ZFPM2: variants seen among roughly 807,000 people sequenced by gnomAD.
ZFPM2 encodes zinc finger protein ZFPM2.
ZFPM2 carries 20 observed loss-of-function variants against 98.6 expected under a neutral mutation model. The observed-to-expected ratio is 0.20, with a 90% CI of 0.14 to 0.29. ZFPM2 has a LOEUF of 0.29. Among genes scored for constraint, ZFPM2 ranks in the 10% least tolerant of loss-of-function variants. The pLI, the probability that ZFPM2 is intolerant of heterozygous loss-of-function variation, is 1.00. For synonymous variants in ZFPM2, 518 were observed against 502.7 expected, an observed-to-expected ratio of 1.03 and a Z score of -0.41; for missense variants, 1,310 against 1,388.6, an observed-to-expected ratio of 0.94 and a Z score of 0.90.
intron 3 of ZFPM2, among the ~76,000 whole-genome samples, chr8:105,454,830 C>G (rs1375551069): frequency 6.6e-6 from 1 of 152,182 alleles, no homozygotes; most frequent in Non-Finnish European, 1.5e-5. Context: ...TTGGTGCCTT[C>G]ACCCTCCAAA....
rs149695292 is a variant in ZFPM2, at chr8:105,398,097, G to A, written c.41-21047G>A. On this transcript the variant is annotated intron_variant, in intron 1 of 7. Transcript: ENST00000407775. ...AAAAGAGAAACTCAGCAAAAGTATAGGATGTAAAGTCTACGCAAAGGAGCT... is the reference window on the plus strand; with the variant it reads ...AAAAGAGAAACTCAGCAAAAGTATAAGATGTAAAGTCTACGCAAAGGAGCT... 5.3e-3 allele frequency among the ~76,000 whole-genome samples: 810 copies of A among 152,200 alleles called. 3 individuals are homozygous for A. The highest frequency in any genetic ancestry group is 0.019 in the African/African-American group (778 of 41,552).
chr8:105,458,628 A>C (rs372103655), intron 3 of ZFPM2, among the ~76,000 whole-genome samples: 8 of 152,234 alleles, frequency 5.3e-5, no homozygotes, highest in African/African-American at 1.9e-4. Flanking sequence ...CGAGTATCTG[A>C]AATTGACAGT....
chr8:105,637,652 G>A (rs1816872940), intron 5 of ZFPM2, among the ~76,000 whole-genome samples: 1 of 152,004 alleles, frequency 6.6e-6, no homozygotes, highest in Non-Finnish European at 1.5e-5. Context: ...CCAAAGTTGT[G>A]TCAATACCTT....
intron 5 of ZFPM2, among the ~76,000 whole-genome samples, chr8:105,636,918 G>A (rs1816857597): frequency 6.6e-6 from 1 of 152,130 alleles, no homozygotes; most frequent in African/African-American, 2.4e-5. Flanking sequence ...GCTCCTATGA[G>A]ATAATCAACA....
chr8:105,570,409 T>C (rs1400486880), intron 4 of ZFPM2, among the ~76,000 whole-genome samples: 1 of 152,074 alleles, frequency 6.6e-6, no homozygotes, highest in Non-Finnish European at 1.5e-5. Context: ...TGCTATTGAA[T>C]GTGAGTCAGA....
chr8:105,781,483 G>A (rs1586259577), intron 5 of ZFPM2, among the ~76,000 whole-genome samples: 1 of 152,152 alleles, frequency 6.6e-6, no homozygotes, highest in Non-Finnish European at 1.5e-5. Flanking sequence ...CACTTTGGGA[G>A]GCTGAAGCAG....
intron 5 of ZFPM2, among the ~76,000 whole-genome samples, chr8:105,693,391 T>G (rs959155257): frequency 4.6e-5 from 7 of 152,152 alleles, no homozygotes; most frequent in African/African-American, 1.7e-4. Context: ...GCATCCTAAG[T>G]TACATTTTGA....
intron 2 of ZFPM2, among the ~76,000 whole-genome samples, chr8:105,431,152 C>T (rs1437971772): frequency 6.6e-6 from 1 of 152,036 alleles, no homozygotes; most frequent in Non-Finnish European, 1.5e-5. Context: ...AGGTGACCCG[C>T]CCACCTTGAC....
intron 5 of ZFPM2, among the ~76,000 whole-genome samples, chr8:105,718,533 T>G (rs1161637187): frequency 6.6e-6 from 1 of 151,990 alleles, no homozygotes; most frequent in African/African-American, 2.4e-5. Flanking sequence ...AGTAAGATAA[T>G]GTCTTTGAAA....
At chr8:105,650,088 G>T (rs7824998) in intron 5 of ZFPM2, among the ~76,000 whole-genome samples, 14 of 151,822 alleles carry the variant, frequency 9.2e-5, no homozygotes, top group African/African-American at 3.4e-4. Flanking sequence ...CAACTTCTCC[G>T]AAGACTAAAG....
At chr8:105,395,649 TAAG>T (rs1811204353) in intron 1 of ZFPM2, among the ~76,000 whole-genome samples, 1 of 152,190 alleles carries the variant, frequency 6.6e-6, no homozygotes, top group African/African-American at 2.4e-5. Flanking sequence ...ATATAATTAT[TAAG>T]AAAGGTATTT....
At chr8:105,743,205 A>G (rs1812262077) in intron 5 of ZFPM2, among the ~76,000 whole-genome samples, 1 of 151,972 alleles carries the variant, frequency 6.6e-6, no homozygotes, top group African/African-American at 2.4e-5. Flanking sequence ...GGCAAAGGGA[A>G]TGGGCATAGA....
At chr8:105,619,297 G>A (rs1164957021) in intron 4 of ZFPM2, among the ~76,000 whole-genome samples, 1 of 151,922 alleles carries the variant, frequency 6.6e-6, no homozygotes, top group Admixed American at 6.6e-5. Context: ...CCTTCCAAAT[G>A]TACCATTCAT....
At chr8:105,387,380 C>T (rs1454547876) in intron 1 of ZFPM2, 5 of 159,842 alleles carry the variant, frequency 3.1e-5, no homozygotes, top group East Asian at 1.9e-4. Flanking sequence ...GTAGAGCAGG[C>T]GGCAGCGCTC....
At chr8:105,558,211 A>G (rs1815043573) in intron 3 of ZFPM2, among the ~76,000 whole-genome samples, 1 of 152,186 alleles carries the variant, frequency 6.6e-6, no homozygotes, top group Admixed American at 6.6e-5. Flanking sequence ...TTCTTTTGCT[A>G]TCCTTAACCT....
At chr8:105,400,308 A>G (rs1195616376) in intron 1 of ZFPM2, among the ~76,000 whole-genome samples, 1 of 151,724 alleles carries the variant, frequency 6.6e-6, no homozygotes, top group Non-Finnish European at 1.5e-5. Context: ...ACATGTGCAC[A>G]TTGTGCAGGT....
chr8:105,419,715 C>T (rs1211831580), intron 2 of ZFPM2, among the ~76,000 whole-genome samples: 1 of 152,014 alleles, frequency 6.6e-6, no homozygotes, highest in Non-Finnish European at 1.5e-5. Context: ...CATCTCATTC[C>T]TTTTGAAAAC....
intron 3 of ZFPM2, among the ~76,000 whole-genome samples, chr8:105,544,659 G>A (rs1258219187): frequency 1.3e-5 from 2 of 152,198 alleles, no homozygotes; most frequent in African/African-American, 4.8e-5. Flanking sequence ...GGAAGTGTTT[G>A]CTTCTTCATG....
At chr8:105,536,430 A>G (rs542857519) in intron 3 of ZFPM2, among the ~76,000 whole-genome samples, 1 of 151,624 alleles carries the variant, frequency 6.6e-6, no homozygotes, top group Non-Finnish European at 1.5e-5. Context: ...TTTATGGTTT[A>G]CTGTGGAATC....
Sources: gnomAD v4.1 joint callset for allele counts (sites outside exome capture counted in the v4.1 genomes callset) on GRCh38, gnomAD v4.1.1 for gene constraint, MANE v1.5 for transcripts, NCBI Gene and HGNC (gene_info 2026-07-23, HGNC 2026-07-21) for gene names.